The following NCOA7 variants were observed in gnomAD, a reference collection of about 807,000 sequenced individuals.
NCOA7 encodes the protein nuclear receptor coactivator 7.
In NCOA7, 45 loss-of-function variants were observed where a neutral mutation model predicts 104.3. The observed-to-expected ratio is 0.43, with a 90% CI of 0.34 to 0.55. The LOEUF (loss-of-function observed/expected upper bound fraction) is 0.55, where lower values mean the gene tolerates loss of function less well. NCOA7 is among the 20% of genes least tolerant of loss of function. The probability of loss-of-function intolerance (pLI) is 0.02; values close to 1 mark genes in which losing one functional copy is unlikely to be tolerated. For missense variants in NCOA7, 1,041 were observed against 1,119.7 expected (o/e 0.93, Z 1.00); for synonymous variants, 398 against 402.3 (o/e 0.99, Z 0.13).
chr6:125,928,040 T>A, intron 14 of NCOA7, 134 bp from the exon 15 acceptor site: 1 of 850,174 alleles, frequency 1.2e-6, no homozygotes, highest in South Asian at 1.5e-5. Context: ...GTGGGCCAGG[T>A]CTGGCAGTCA....
At chr6:125,876,997 A>C (rs1312746609) in intron 4 of NCOA7, among the ~76,000 whole-genome samples, 1 of 152,236 alleles carries the variant, frequency 6.6e-6, no homozygotes, top group Non-Finnish European at 1.5e-5. Flanking sequence ...ACTCATAACA[A>C]TATGAATATA....
rs115884473 is a variant in NCOA7 at position 125,844,122 on chromosome 6, A to C, written c.51-10898A>C. Among the ~76,000 whole-genome samples the C allele has an allele frequency of 7.2e-3, 1,103 of 152,282 alleles. 11 individuals carry two copies. Among genetic ancestry groups the C allele is most frequent in the African/African-American group, 0.025 (1,054 of 41,562 alleles). On this transcript the variant is annotated intron_variant, in intron 2 of 15. Transcript: ENST00000392477. The stretch of plus-strand genomic sequence containing the variant: ...GTACAAGGAAATCCTAGAAAAGGAA[A>C]ATTGAATTGTTGTGGTTTCCCCTGA...
At chr6:125,873,336 A>G (rs1783086506) in intron 3 of NCOA7, among the ~76,000 whole-genome samples, 1 of 152,126 alleles carries the variant, frequency 6.6e-6, no homozygotes. Flanking sequence ...ATTGTGTTCA[A>G]TGTATATAGG....
At chr6:125,820,679 C>G (rs1256611130) in intron 2 of NCOA7, among the ~76,000 whole-genome samples, 1 of 152,066 alleles carries the variant, frequency 6.6e-6, no homozygotes, top group African/African-American at 2.4e-5. Context: ...ACAAATCATT[C>G]CTGATCTTAC....
intron 12 of NCOA7, among the ~76,000 whole-genome samples, chr6:125,921,340 G>T (rs1338702897): frequency 6.6e-6 from 1 of 152,098 alleles, no homozygotes. Flanking sequence ...AGCCTGGGAG[G>T]TGGAGGTTGC....
chr6:125,924,477 T>A (rs1562192693), intron 13 of NCOA7, among the ~76,000 whole-genome samples: 2 of 152,226 alleles, frequency 1.3e-5, no homozygotes, highest in Non-Finnish European at 2.9e-5. Flanking sequence ...CTTTGCTGTG[T>A]TTGAGAACAT....
chr6:125,899,526 G>A (rs1452472957), intron 10 of NCOA7, among the ~76,000 whole-genome samples: 1 of 152,164 alleles, frequency 6.6e-6, no homozygotes, highest in East Asian at 1.9e-4. Context: ...GTGTTATACT[G>A]TAATTTTATG....
intron 5 of NCOA7, among the ~76,000 whole-genome samples, chr6:125,879,258 T>C (rs1783627874): frequency 6.6e-6 from 1 of 152,250 alleles, no homozygotes; most frequent in Non-Finnish European, 1.5e-5. Context: ...TTATTGTATT[T>C]ACTGTTAGTG....
upstream of NCOA7, among the ~76,000 whole-genome samples, chr6:125,790,182 T>C (rs73582395): frequency 0.12 from 18,318 of 152,234 alleles, 1,477 homozygotes; most frequent in African/African-American, 0.23. Flanking sequence ...GGCCCCTCTG[T>C]TAAACGCAAC....
intron 11 of NCOA7, among the ~76,000 whole-genome samples, chr6:125,917,100 C>T (rs1376287167): frequency 6.6e-6 from 1 of 151,562 alleles, no homozygotes; most frequent in Admixed American, 6.6e-5. Context: ...GATTCTTACC[C>T]ACCTGTTAGA....
At chr6:125,872,867 G>A (rs930975768) in intron 3 of NCOA7, among the ~76,000 whole-genome samples, 1 of 152,280 alleles carries the variant, frequency 6.6e-6, no homozygotes, top group South Asian at 2.1e-4. Context: ...CCTGTAGGCA[G>A]GGAGATCATT....
chr6:125,805,295 A>G (rs1424515077), intron 1 of NCOA7, among the ~76,000 whole-genome samples: 2 of 152,032 alleles, frequency 1.3e-5, no homozygotes, highest in South Asian at 2.1e-4. Context: ...AGGTTTCACC[A>G]TGTTGATCAG....
At chr6:125,785,687 T>A (rs1774433475) in intron 1 of NCOA7, among the ~76,000 whole-genome samples, 1 of 152,224 alleles carries the variant, frequency 6.6e-6, no homozygotes, top group Admixed American at 6.5e-5. Flanking sequence ...GTGTAAAAAC[T>A]ATGTAATGAA....
chr6:125,807,760 G>A (rs548717427), intron 1 of NCOA7, among the ~76,000 whole-genome samples: 2 of 152,250 alleles, frequency 1.3e-5, no homozygotes, highest in African/African-American at 2.4e-5. Context: ...CATGAGGACA[G>A]GGCATAAGAA....
upstream of NCOA7, chr6:125,786,019 T>C (rs1166665944): frequency 6.6e-6 from 1 of 152,174 alleles, no homozygotes; most frequent in Admixed American, 6.5e-5. Context: ...GACACTTACA[T>C]TTTTCTCAAA....
intron 1 of NCOA7, among the ~76,000 whole-genome samples, chr6:125,814,178 A>T (rs1583279189): frequency 1.3e-5 from 2 of 152,222 alleles, no homozygotes; most frequent in African/African-American, 4.8e-5. Flanking sequence ...TTTTTGAGAC[A>T]GAGTCTCCCT....
At position 125,920,908 on chromosome 6, in the gene NCOA7, T is replaced by A. The variant is rs552006807; in HGVS notation, c.2245-35T>A. ...AATTAGCAGTTAGAAGAAAAGCCAA[T>A]AAGTTATTTTTCTTGGCTTGTTTTC... is the stretch of plus-strand genomic sequence containing the variant. On this transcript the variant is annotated intron_variant, in intron 11 of 15. Transcript: ENST00000392477. The A allele has an allele frequency of 2.5e-6, 4 of 1,604,318 alleles. No individual in the cohort carries two copies. The African/African-American group carries it at 5.3e-5, about 21-fold the overall frequency.
intron 3 of NCOA7, among the ~76,000 whole-genome samples, chr6:125,865,440 G>A (rs2128630559): frequency 7.3e-6 from 1 of 136,824 alleles, no homozygotes; most frequent in East Asian, 2.1e-4. Context: ...TTTCCTTTGT[G>A]CCACAGGTTA....
chr6:125,928,592 C>T, intron 15 of NCOA7, 44 bp from the exon 16 acceptor site: 2 of 1,569,766 alleles, frequency 1.3e-6, no homozygotes, highest in African/African-American at 1.4e-5. Context: ...TGTCATGTAA[C>T]ATAGAAGTGT....
Sources: allele counts gnomAD v4.1 joint callset (sites outside exome capture counted in the v4.1 genomes callset), GRCh38; gene constraint gnomAD v4.1.1; transcripts MANE v1.5; gene names NCBI Gene and HGNC (gene_info 2026-07-23, HGNC 2026-07-21).